Variants in ZFP42 observed in about 807,000 individuals in gnomAD.
ZFP42 encodes ZFP42 zinc finger protein, also known as zinc finger protein 42 homolog.
For synonymous variants in ZFP42, 175 were observed against 144.6 expected (o/e 1.21, Z -1.51); for missense variants, 438 against 377.1 (o/e 1.16, Z -1.34).
intron 1 of ZFP42, 23 bp downstream of exon 1, chr4:187,995,863 T>G (rs1579113163): frequency 6.6e-6 from 1 of 152,290 alleles, no homozygotes; most frequent in Non-Finnish European, 1.5e-5. Flanking sequence ...TCATGGAACT[T>G]TTTTCAAATG....
At chr4:187,998,036 G>T (rs1452199425) in intron 1 of ZFP42, among the ~76,000 whole-genome samples, 1 of 152,174 alleles carries the variant, frequency 6.6e-6, no homozygotes, top group Non-Finnish European at 1.5e-5. Context: ...ACATTTTTAA[G>T]TTTATAAAGT....
At chr4:187,998,506 ACAC>A (rs1733692279) in intron 1 of ZFP42, among the ~76,000 whole-genome samples, 1 of 152,158 alleles carries the variant, frequency 6.6e-6, no homozygotes, top group African/African-American at 2.4e-5. Flanking sequence ...CATTCACTCA[ACAC>A]TCACTCACTC....
rs375104714 is a variant in ZFP42, at chr4:188,003,595, G to T, written c.788G>T (p.Arg263Leu). The change falls in exon 4 of 4, where the codon CGT becomes CTT. Residue 263 changes from arginine to leucine, a missense_variant. By Grantham distance (102) the Arg-to-Leu change is moderately radical (BLOSUM62 -2). Transcript: ENST00000326866. Reference sequence around the variant, plus strand: ...CGCTTCTCTCTGGACTTTAATTTGCGTACGCACGTGCGCATCCACACGGGG... The same window carrying T: ...CGCTTCTCTCTGGACTTTAATTTGCTTACGCACGTGCGCATCCACACGGGG... ...GKRFSLDFNL[R>L]THVRIHTGEK... 1.2e-5 allele frequency: 20 copies of T among 1,613,314 alleles called. No individual in the cohort carries two copies. Among genetic ancestry groups the T allele is most frequent in the African/African-American group, 2.7e-5 (2 of 74,940 alleles).
intron 3 of ZFP42, among the ~76,000 whole-genome samples, chr4:188,001,508 C>G (rs1032708644): frequency 6.6e-6 from 1 of 152,162 alleles, no homozygotes; most frequent in Admixed American, 6.5e-5. Context: ...TCTCTGGATC[C>G]CCATTTTTTA....
Position 188,004,057 on chromosome 4 carries a change from G to T in ZFP42, c.*317G>T, listed in dbSNP as rs1027916145. On this transcript the variant is annotated 3_prime_UTR_variant, in exon 4 of 4. Coordinates refer to ENST00000326866, the MANE Select transcript of ZFP42 (RefSeq NM_174900.5). The stretch of plus-strand genomic sequence containing the variant: ...ATAACCTTCAATATATTATCTGTTG[G>T]ATTATTGGATATAAGACTTATTTTC... 3 of 224,406 alleles carry T rather than the reference G, an allele frequency of 1.3e-5. No individual in the cohort carries two copies. Among genetic ancestry groups the T allele is most frequent in the Non-Finnish European group, 2.9e-5 (3 of 104,092 alleles). 13.9% of individuals were successfully genotyped at this position (224,406 alleles called of 1,614,324 possible).
chr4:188,003,211 T>G lies in ZFP42; in HGVS notation c.404T>G (p.Ile135Arg), dbSNP rs773448985. The stretch of plus-strand genomic sequence containing the variant: ...GTAAAGAAAGAGCTTCCACAAAAGA[T>G]AGTTGGAGAGAATTCGCTTGAGTAT... ...KGVKKELPQK[I>R]VGENSLEYSE... Residue 135 changes from isoleucine (I) to arginine (R), a missense_variant, in exon 4 of 4, where the codon ATA becomes AGA. Physicochemically the swap from Ile to Arg is moderately conservative, Grantham distance 97. Transcript: ENST00000326866. 1 of 1,613,768 alleles carries G rather than the reference T, an allele frequency of 6.2e-7. No individual in the cohort carries two copies. Among genetic ancestry groups the G allele is most frequent in the East Asian group, 2.2e-5 (1 of 44,858 alleles).
At chr4:187,997,506 C>T (rs1175971744) in intron 1 of ZFP42, among the ~76,000 whole-genome samples, 1 of 151,750 alleles carries the variant, frequency 6.6e-6, no homozygotes, top group Non-Finnish European at 1.5e-5. Context: ...GGATTACAAG[C>T]GTGAGCCACC....
chr4:188,002,766 T>G lies in ZFP42; in HGVS notation c.-42T>G, dbSNP rs1287101880. 1.3e-6 allele frequency: 2 copies of G among 1,566,112 alleles called. No individual in the cohort carries two copies. Among genetic ancestry groups the G allele is most frequent in the Non-Finnish European group, 1.7e-6 (2 of 1,144,948 alleles). Reference sequence around the variant, plus strand: ...CACTACTGCCTGGAGGTGGTTGATATATCCTGGTGTAAACCTTCAAGAAGG... The same window carrying G: ...CACTACTGCCTGGAGGTGGTTGATAGATCCTGGTGTAAACCTTCAAGAAGG... On this transcript the variant is annotated 5_prime_UTR_variant, in exon 4 of 4. Coordinates refer to ENST00000326866, the MANE Select transcript of ZFP42 (RefSeq NM_174900.5).
chr4:188,002,482 A>C (rs1200351426), intron 3 of ZFP42, among the ~76,000 whole-genome samples: 2 of 152,156 alleles, frequency 1.3e-5, no homozygotes, highest in Non-Finnish European at 2.9e-5. Context: ...ACATAGTCCC[A>C]CCCAACACGT....
chr4:187,997,196 G>A, intron 1 of ZFP42, among the ~76,000 whole-genome samples: 1 of 146,512 alleles, frequency 6.8e-6, no homozygotes, highest in East Asian at 2.0e-4. Context: ...CATGATGAAG[G>A]TGGCGTCCTC....
chr4:188,005,180 T>G (rs913010025), downstream of ZFP42: 1 of 164,462 alleles, frequency 6.1e-6, no homozygotes, highest in African/African-American at 2.4e-5. Flanking sequence ...GAAGTTGGGC[T>G]TACGTGTGGT....
intron 1 of ZFP42, among the ~76,000 whole-genome samples, chr4:187,996,987 G>GGGAGCCTGGAGCATGGAGCAT (rs1553987574): frequency 1.7e-5 from 1 of 58,912 alleles, no homozygotes; most frequent in Non-Finnish European, 3.0e-5. Flanking sequence ...CATAGCTGTA[G>GGGAGCCTGGAGCATGGAGCAT]GGAGCATGGA....
rs1228152483 is a variant in ZFP42, at chr4:188,001,356, T to C, written c.-95-1357T>C. ...CTTTTATAGTCAAAGCAATAACATA[T>C]TCATGCTATAACTTTTATAACGTCA... On this transcript the variant is annotated intron_variant, in intron 3 of 3. Coordinates refer to ENST00000326866, the MANE Select transcript of ZFP42 (RefSeq NM_174900.5). 2.0e-5 allele frequency among the ~76,000 whole-genome samples: 3 copies of C among 152,204 alleles called. No individual in the cohort carries two copies. The East Asian group carries it at 5.8e-4, about 29-fold the overall frequency.
At chr4:188,005,095 G>A (rs1460611056), downstream of ZFP42, 1 of 167,008 alleles carries the variant, frequency 6.0e-6, no homozygotes, top group African/African-American at 2.4e-5. Context: ...ACATTGAAAA[G>A]AGATACCATT....
At chr4:188,002,642 C>T in intron 3 of ZFP42, 71 bp from the exon 4 acceptor site, 1 of 632,618 alleles carries the variant, frequency 1.6e-6, no homozygotes, top group Non-Finnish European at 2.8e-6. Flanking sequence ...GAAAATGTGT[C>T]TTAGGTCATT....
chr4:188,003,185 G>A lies in ZFP42; in HGVS notation c.378G>A (p.Gly126=), dbSNP rs1376299635. Residue 126 remains glycine, a synonymous_variant, in exon 4 of 4, where the codon GGG becomes GGA. Transcript: ENST00000326866. ...LECSLEYMKK[G]VKKELPQKIV... Reference sequence around the variant, plus strand: ...GTTCTTTGGAATACATGAAAAAAGGGGTAAAGAAAGAGCTTCCACAAAAGA... The same window carrying A: ...GTTCTTTGGAATACATGAAAAAAGGAGTAAAGAAAGAGCTTCCACAAAAGA... 16 of 1,613,720 alleles carry A rather than the reference G, an allele frequency of 9.9e-6. No individual in the cohort carries two copies. The highest frequency in any genetic ancestry group is 1.3e-5 in the Non-Finnish European group (15 of 1,179,980).
chr4:187,996,692 C>G (rs1733583875), intron 1 of ZFP42, among the ~76,000 whole-genome samples: 1 of 152,158 alleles, frequency 6.6e-6, no homozygotes, highest in Admixed American at 6.5e-5. Flanking sequence ...GGTTCTTTCT[C>G]CTGTTTTCCC....
chr4:188,003,616 C>T lies in ZFP42; in HGVS notation c.809C>T (p.Thr270Met), dbSNP rs770512257. ...TTGCGTACGCACGTGCGCATCCACACGGGGGAGAAACGTTTCGTGTGTCCC... is the reference window on the plus strand; with the variant it reads ...TTGCGTACGCACGTGCGCATCCACATGGGGGAGAAACGTTTCGTGTGTCCC... Reference protein sequence around the residue: ...FNLRTHVRIHTGEKRFVCPFQ... With the variant: ...FNLRTHVRIHMGEKRFVCPFQ... The change falls in exon 4 of 4, where the codon ACG becomes ATG. Residue 270 changes from threonine to methionine, a missense_variant. Coordinates refer to ENST00000326866, the MANE Select transcript of ZFP42 (RefSeq NM_174900.5). 3.7e-6 allele frequency: 6 copies of T among 1,613,418 alleles called. No individual in the cohort carries two copies. Among genetic ancestry groups the T allele is most frequent in the East Asian group, 4.5e-5 (2 of 44,874 alleles).
rs1359626182 is a variant in ZFP42 at position 187,997,027 on chromosome 4, C to T, written c.-339+1187C>T. Among the ~76,000 whole-genome samples the T allele has an allele frequency of 3.9e-4, 23 of 59,050 alleles. No homozygotes were observed. The South Asian group carries it at 9.0e-3, about 23-fold the overall frequency. The allele number at this position is 59,050 out of a possible 152,430, so 38.7% of individuals were successfully genotyped here. A position where few individuals can be genotyped will look rare whatever the true frequency, so the allele number is the denominator to read the frequency against. On this transcript the variant is annotated intron_variant, in intron 1 of 3. Coordinates refer to ENST00000326866, the MANE Select transcript of ZFP42 (RefSeq NM_174900.5). ...GGAGCGTGGAGCGTGGAGCATGGAG[C>T]ATGGAGCGTGGAGCATGGAGCATGG... is the stretch of plus-strand genomic sequence containing the variant.
Sources: allele counts gnomAD v4.1 joint callset (sites outside exome capture counted in the v4.1 genomes callset), GRCh38; gene constraint gnomAD v4.1.1; transcripts MANE v1.5; gene names NCBI Gene and HGNC (gene_info 2026-07-23, HGNC 2026-07-21).